The following CTSB variants were observed in gnomAD, a reference collection of about 807,000 sequenced individuals.
CTSB encodes cathepsin B.
In CTSB, 57 loss-of-function variants were observed where a neutral mutation model predicts 44.3. The observed-to-expected ratio is 1.29, with a 90% CI of 1.04 to 1.60. The LOEUF is 1.60. CTSB is among the 40% of genes most tolerant of loss of function. The pLI is 0.00. For synonymous variants in CTSB, 320 were observed against 168.0 expected (o/e 1.91, Z -7.00); for missense variants, 768 against 443.0 (o/e 1.73, Z -6.59).
At chr8:11,861,027 G>T (rs577694709) in intron 1 of CTSB, among the ~76,000 whole-genome samples, 1 of 152,232 alleles carries the variant, frequency 6.6e-6, no homozygotes, top group African/African-American at 2.4e-5. Flanking sequence ...TTTTGAGTAT[G>T]AATCACAGCC....
At chr8:11,846,148 CGT>C in intron 8 of CTSB, 1 of 161,696 alleles carries the variant, frequency 6.2e-6, no homozygotes, top group Non-Finnish European at 1.3e-5. Flanking sequence ...TTGTCAAAAG[CGT>C]TACACGGCTT....
At chr8:11,858,680 A>G (rs1815917267) in intron 1 of CTSB, among the ~76,000 whole-genome samples, 1 of 152,216 alleles carries the variant, frequency 6.6e-6, no homozygotes, top group African/African-American at 2.4e-5. Context: ...GAACTCAAAA[A>G]GTGTCAAGCC....
intron 1 of CTSB, among the ~76,000 whole-genome samples, chr8:11,863,296 TA>T (rs1195483367): frequency 6.6e-6 from 1 of 152,016 alleles, no homozygotes; most frequent in Non-Finnish European, 1.5e-5. Context: ...CCGTCTCTAC[TA>T]AAAATACAAA....
chr8:11,846,286 G>C (rs1813320765), intron 8 of CTSB: 1 of 152,422 alleles, frequency 6.6e-6, no homozygotes, highest in African/African-American at 2.4e-5. Flanking sequence ...TGCCCAACCA[G>C]GCTCTCGGGT....
rs1216923720 is a variant in CTSB at position 11,849,026 on chromosome 8, G to T, written c.446+20C>A. 1.9e-6 allele frequency: 3 copies of T among 1,589,628 alleles called. No individual in the cohort carries two copies. The highest frequency in any genetic ancestry group is 2.6e-6 in the Non-Finnish European group (3 of 1,159,204). Reference sequence around the variant, plus strand: ...GGTCTCTCAGCACTAAACCCGCTGTGGAAGCACAGCCTGACTCACCCGTCC... The same window carrying T: ...GGTCTCTCAGCACTAAACCCGCTGTTGAAGCACAGCCTGACTCACCCGTCC... On this transcript the variant is annotated intron_variant, in intron 5 of 9. Coordinates refer to ENST00000353047, the MANE Select transcript of CTSB (RefSeq NM_001908.5).
At chr8:11,853,547 C>A (rs996846386) in intron 1 of CTSB, 68 bp from the exon 2 acceptor site, 15 of 1,490,804 alleles carry the variant, frequency 1.0e-5, no homozygotes, top group Non-Finnish European at 3.6e-6. Flanking sequence ...CACACAGGGG[C>A]ACCGTCTCGG....
chr8:11,850,283 G>A (rs28689832), intron 4 of CTSB, among the ~76,000 whole-genome samples: 3 of 151,830 alleles, frequency 2.0e-5, no homozygotes, highest in African/African-American at 7.3e-5. Flanking sequence ...GCTGGGCGTG[G>A]TGGCACATGC....
intron 3 of CTSB, 43 bp from the exon 4 acceptor site, chr8:11,851,023 C>A (rs374435610): frequency 6.9e-7 from 1 of 1,458,996 alleles, no homozygotes; most frequent in East Asian, 2.3e-5. Flanking sequence ...GATCCCACAA[C>A]TCCCTCCCCA....
chr8:11,862,691 C>T (rs1268056063), intron 1 of CTSB, among the ~76,000 whole-genome samples: 1 of 152,228 alleles, frequency 6.6e-6, no homozygotes, highest in Non-Finnish European at 1.5e-5. Flanking sequence ...GTGGCTGGCA[C>T]CGCCCTCCTG....
chr8:11,852,741 G>A (rs763271723), intron 2 of CTSB, 46 bp from the exon 3 acceptor site: 4 of 1,563,288 alleles, frequency 2.6e-6, no homozygotes. Flanking sequence ...CGGGATGGCG[G>A]TGGATGGGCA....
At chr8:11,854,785 GA>G in intron 1 of CTSB, 1 of 152,486 alleles carries the variant, frequency 6.6e-6, no homozygotes, top group Non-Finnish European at 1.5e-5. Context: ...CCAGCCAGTG[GA>G]AAAGAGCTCT....
In CTSB at chr8:11,850,986, T is replaced by C. The variant is rs1476857659; in HGVS notation, c.213-6A>G. 6.2e-7 allele frequency: 1 copy of C among 1,604,586 alleles called. No homozygotes were observed. Among genetic ancestry groups the C allele is most frequent in the Admixed American group, 1.7e-5 (1 of 59,692 alleles). The stretch of plus-strand genomic sequence containing the variant: ...GGTCCTCGGTAAACATAACTCTGGA[T>C]AAAGGAAGGTCTTCATTACAAGCTC... On this transcript the variant is annotated splice_polypyrimidine_tract_variant and splice_region_variant and intron_variant, in intron 3 of 9. Coordinates refer to ENST00000353047, the MANE Select transcript of CTSB (RefSeq NM_001908.5).
chr8:11,862,506 T>G (rs1816583264), intron 1 of CTSB: 1 of 152,242 alleles, frequency 6.6e-6, no homozygotes, highest in Non-Finnish European at 1.5e-5. Context: ...TAATGGAAAT[T>G]GTACTATCAG....
intron 3 of CTSB, 34 bp downstream of exon 3, chr8:11,852,576 C>T: frequency 6.4e-7 from 1 of 1,569,690 alleles, no homozygotes; most frequent in Non-Finnish European, 8.7e-7. Context: ...GCCTGCCACT[C>T]ACATTACAGC....
intron 8 of CTSB, chr8:11,846,354 C>A (rs748508386): frequency 6.6e-6 from 1 of 152,374 alleles, no homozygotes; most frequent in African/African-American, 2.4e-5. Context: ...GAGGACTATG[C>A]TAAGAAGTGC....
rs199911673 is a variant in CTSB, at chr8:11,845,647, G to C, written c.922+14C>G. ...CAATTCACTGTTCTTGGCAGGAAGG[G>C]GGCAGCCACTCACCATTGTCACCCC... On this transcript the variant is annotated intron_variant, in intron 9 of 9. Coordinates refer to ENST00000353047, the MANE Select transcript of CTSB (RefSeq NM_001908.5). 9.7e-5 allele frequency: 157 copies of C among 1,611,086 alleles called. No homozygotes were observed. The African/African-American group carries it at 1.4e-3, about 14-fold the overall frequency.
chr8:11,851,896 ACC>A (rs1460709607), intron 3 of CTSB, among the ~76,000 whole-genome samples: 1 of 150,468 alleles, frequency 6.6e-6, no homozygotes, highest in Non-Finnish European at 1.5e-5. Flanking sequence ...CGAACTCCTG[ACC>A]TCAGGTGATC....
chr8:11,851,118 G>C, intron 3 of CTSB, 138 bp from the exon 4 acceptor site: 2 of 466,210 alleles, frequency 4.3e-6, no homozygotes, highest in Non-Finnish European at 4.0e-6. Flanking sequence ...CTGCAGACAG[G>C]TGTCCTTGGT....
rs192534545 is a variant in CTSB at position 11,847,651 on chromosome 8, C to T, written c.676+28G>A. The T allele has an allele frequency of 1.1e-3, 1,725 of 1,506,070 alleles. 6 individuals carry two copies. The highest frequency in any genetic ancestry group is 1.5e-3 in the Admixed American group (62 of 41,446). 93.3% of individuals were successfully genotyped at this position (1,506,070 alleles called of 1,614,324 possible). A position where few individuals can be genotyped will look rare whatever the true frequency, so the allele number is the denominator to read the frequency against. On this transcript the variant is annotated intron_variant, in intron 7 of 9. Coordinates refer to ENST00000353047, the MANE Select transcript of CTSB (RefSeq NM_001908.5). The stretch of plus-strand genomic sequence containing the variant: ...GCAGCAGCTCCCCAGCCTCCACGTG[C>T]GCCGTGGCCAGGCCCCAGGCCCCTT...
Sources: allele counts gnomAD v4.1 joint callset (sites outside exome capture counted in the v4.1 genomes callset), GRCh38; gene constraint gnomAD v4.1.1; transcripts MANE v1.5; gene names NCBI Gene and HGNC (gene_info 2026-07-23, HGNC 2026-07-21).